Variants in MED13L observed in about 807,000 individuals in gnomAD.
MED13L encodes mediator of RNA polymerase II transcription subunit 13-like.
MED13L carries 7 observed loss-of-function variants against 220.9 expected under a neutral mutation model. The ratio of observed to expected loss-of-function variants is 0.03; its 90% confidence interval spans 0.02 to 0.06. MED13L has a LOEUF of 0.06. MED13L is among the 10% of genes least tolerant of loss of function. The pLI, the probability that MED13L is intolerant of heterozygous loss-of-function variation, is 1.00. For synonymous variants in MED13L, 1,011 were observed against 1,015.2 expected (o/e 1.00, Z 0.08); for missense variants, 1,965 against 2,760.5 (o/e 0.71, Z 6.46).
intron 4 of MED13L, among the ~76,000 whole-genome samples, chr12:116,034,522 A>G (rs1480502141): frequency 6.6e-6 from 1 of 152,188 alleles, no homozygotes; most frequent in Non-Finnish European, 1.5e-5. Flanking sequence ...TATTCCTGAT[A>G]GCTATGGAGA....
intron 7 of MED13L, among the ~76,000 whole-genome samples, chr12:116,017,901 C>T (rs1879824370): frequency 6.6e-6 from 1 of 152,016 alleles, no homozygotes; most frequent in Non-Finnish European, 1.5e-5. Flanking sequence ...CAGGCATGAG[C>T]CATCATGCCT....
At chr12:116,188,799 C>T (rs1442028013) in intron 2 of MED13L, among the ~76,000 whole-genome samples, 4 of 152,100 alleles carry the variant, frequency 2.6e-5, no homozygotes, top group South Asian at 2.1e-4. Flanking sequence ...ATTTCAAGAA[C>T]GTTACATAAA....
chr12:116,196,408 G>C (rs1881628950), intron 2 of MED13L, among the ~76,000 whole-genome samples: 1 of 151,848 alleles, frequency 6.6e-6, no homozygotes, highest in African/African-American at 2.4e-5. Context: ...GACTGGCCCA[G>C]TCTTCGGCTT....
chr12:116,027,014 T>C (rs1880434518), intron 4 of MED13L, among the ~76,000 whole-genome samples: 2 of 152,008 alleles, frequency 1.3e-5, no homozygotes, highest in Admixed American at 6.5e-5. Context: ...CAAAACAATA[T>C]GAGTAATATA....
intron 2 of MED13L, among the ~76,000 whole-genome samples, chr12:116,178,254 G>A (rs1327407282): frequency 1.3e-5 from 2 of 152,136 alleles, no homozygotes; most frequent in African/African-American, 4.8e-5. Context: ...AGCTATGAGA[G>A]TACTCTCTGA....
chr12:116,144,338 T>A (rs774185369), intron 2 of MED13L, among the ~76,000 whole-genome samples: 23 of 152,170 alleles, frequency 1.5e-4, no homozygotes, highest in Non-Finnish European at 2.6e-4. Flanking sequence ...TCCTTCACTG[T>A]CCCAAAGGGC....
At chr12:116,019,499 G>C in intron 6 of MED13L, 87 bp from the exon 7 acceptor site, 16 of 1,474,512 alleles carry the variant, frequency 1.1e-5, no homozygotes, top group Non-Finnish European at 1.4e-5. Context: ...TGGTGAAAAT[G>C]AGATGCTCAT....
chr12:116,094,411 A>C (rs1314121311), intron 4 of MED13L, among the ~76,000 whole-genome samples: 1 of 152,218 alleles, frequency 6.6e-6, no homozygotes, highest in African/African-American at 2.4e-5. Context: ...GCAGCCTCCC[A>C]TTTATATTGA....
At chr12:116,187,580 G>C (rs1266808751) in intron 2 of MED13L, among the ~76,000 whole-genome samples, 1 of 151,932 alleles carries the variant, frequency 6.6e-6, no homozygotes, top group Admixed American at 6.6e-5. Flanking sequence ...CAATTTATCA[G>C]GTTTTCTCTA....
At chr12:116,240,906 G>C (rs1285479078) in intron 1 of MED13L, among the ~76,000 whole-genome samples, 2 of 152,052 alleles carry the variant, frequency 1.3e-5, no homozygotes, top group African/African-American at 2.4e-5. Flanking sequence ...AAAAGAAGTT[G>C]AAATCCAAAA....
intron 4 of MED13L, among the ~76,000 whole-genome samples, chr12:116,054,509 T>A (rs1313164373): frequency 6.6e-6 from 1 of 152,196 alleles, no homozygotes; most frequent in African/African-American, 2.4e-5. Context: ...CTTAAGCATG[T>A]TAAGTACTTT....
chr12:115,972,259 T>TA (rs772668733), intron 25 of MED13L, 23 bp from the exon 26 acceptor site: 1 of 1,610,544 alleles, frequency 6.2e-7, no homozygotes, highest in Admixed American at 1.7e-5. Flanking sequence ...ATCGCAGTCA[T>TA]ACACAGTCTT....
intron 9 of MED13L, among the ~76,000 whole-genome samples, chr12:116,009,358 AGGTACAT>A (rs1879253507): frequency 6.6e-6 from 1 of 152,192 alleles, no homozygotes; most frequent in African/African-American, 2.4e-5. Flanking sequence ...AAAAGATGTA[AGGTACAT>A]TGCTAATCCC....
At chr12:116,164,925 T>C (rs765447564) in intron 2 of MED13L, among the ~76,000 whole-genome samples, 25 of 152,198 alleles carry the variant, frequency 1.6e-4, no homozygotes, top group Non-Finnish European at 2.8e-4. Context: ...GCCACAGCAA[T>C]AACAAGCAAA....
intron 3 of MED13L, among the ~76,000 whole-genome samples, chr12:116,101,632 T>C (rs1321184406): frequency 1.3e-5 from 2 of 152,216 alleles, no homozygotes; most frequent in African/African-American, 2.4e-5. Context: ...AAAAAATGTT[T>C]AGTATGACCA....
At chr12:116,265,636 T>G (rs1872776573) in intron 1 of MED13L, among the ~76,000 whole-genome samples, 1 of 152,248 alleles carries the variant, frequency 6.6e-6, no homozygotes, top group Non-Finnish European at 1.5e-5. Context: ...AGTTCAGAAC[T>G]GATTTTAGAA....
intron 30 of MED13L, among the ~76,000 whole-genome samples, chr12:115,961,781 G>A (rs1875775680): frequency 6.6e-6 from 1 of 152,148 alleles, no homozygotes; most frequent in Admixed American, 6.5e-5. Flanking sequence ...AGACCAGGTG[G>A]CCAACATGGT....
intron 1 of MED13L, among the ~76,000 whole-genome samples, chr12:116,252,774 G>A (rs1211348474): frequency 1.3e-5 from 2 of 151,882 alleles, no homozygotes; most frequent in African/African-American, 4.8e-5. Context: ...CTAATCAAGA[G>A]GGAAAGAACA....
intron 2 of MED13L, among the ~76,000 whole-genome samples, chr12:116,165,407 T>C (rs1879185168): frequency 6.6e-6 from 1 of 151,846 alleles, no homozygotes; most frequent in Non-Finnish European, 1.5e-5. Context: ...CTTAGCTCAC[T>C]GCAACCTCTG....
Sources: gnomAD v4.1 joint callset for allele counts (sites outside exome capture counted in the v4.1 genomes callset) on GRCh38, gnomAD v4.1.1 for gene constraint, MANE v1.5 for transcripts, NCBI Gene and HGNC (gene_info 2026-07-23, HGNC 2026-07-21) for gene names.